Variants in DCC observed in about 807,000 individuals in gnomAD.
DCC encodes DCC netrin 1 receptor.
In DCC, 58 loss-of-function variants were observed where a neutral mutation model predicts 172.5. The observed-to-expected ratio is 0.34, with a 90% confidence interval of 0.27 to 0.42. DCC has a LOEUF of 0.42. Ranked by LOEUF, DCC falls within the 10% of genes least tolerant of loss-of-function variation. DCC has a pLI of 1.00. For missense variants in DCC, 1,740 were observed against 1,791.0 expected (o/e 0.97, Z 0.51); for synonymous variants, 709 against 644.5 (o/e 1.10, Z -1.52).
intron 2 of DCC, among the ~76,000 whole-genome samples, chr18:52,850,592 A>G (rs2038959625): frequency 6.6e-6 from 1 of 152,106 alleles, no homozygotes; most frequent in Non-Finnish European, 1.5e-5. Flanking sequence ...CATCTTGAAA[A>G]GACAAAGATT....
At chr18:53,146,824 C>T (rs1015603122) in intron 7 of DCC, among the ~76,000 whole-genome samples, 1 of 152,042 alleles carries the variant, frequency 6.6e-6, no homozygotes, top group African/African-American at 2.4e-5. Flanking sequence ...ACATCTGTAT[C>T]CTATGTTTTA....
intron 8 of DCC, among the ~76,000 whole-genome samples, chr18:53,171,765 AT>A (rs1407136294): frequency 6.6e-6 from 1 of 152,132 alleles, no homozygotes; most frequent in Non-Finnish European, 1.5e-5. Context: ...CAGCAAACAT[AT>A]GAAAAAACTG....
intron 2 of DCC, among the ~76,000 whole-genome samples, chr18:52,773,176 A>T (rs1250227629): frequency 6.6e-6 from 1 of 152,206 alleles, no homozygotes; most frequent in Non-Finnish European, 1.5e-5. Context: ...AAGGTAATGA[A>T]ATCCCTGAAA....
chr18:53,115,711 T>A (rs1293222577), intron 7 of DCC, among the ~76,000 whole-genome samples: 1 of 151,652 alleles, frequency 6.6e-6, no homozygotes, highest in Non-Finnish European at 1.5e-5. Context: ...AAATCTATTT[T>A]AGGATTCTCA....
At chr18:53,296,678 A>C (rs2057071810) in intron 12 of DCC, among the ~76,000 whole-genome samples, 1 of 152,204 alleles carries the variant, frequency 6.6e-6, no homozygotes, top group South Asian at 2.1e-4. Flanking sequence ...ACTCAGTGAA[A>C]ATAAATTCTT....
At chr18:52,892,820 A>G (rs779344748) in intron 2 of DCC, among the ~76,000 whole-genome samples, 1 of 152,146 alleles carries the variant, frequency 6.6e-6, no homozygotes, top group Non-Finnish European at 1.5e-5. Context: ...TTCATTGTGC[A>G]AATGCATGCA....
intron 1 of DCC, among the ~76,000 whole-genome samples, chr18:52,397,854 G>A (rs1204685000): frequency 6.6e-6 from 1 of 151,920 alleles, no homozygotes; most frequent in African/African-American, 2.4e-5. Flanking sequence ...ATTGTAGGTG[G>A]CTCTGGATAT....
intron 2 of DCC, among the ~76,000 whole-genome samples, chr18:52,896,926 C>G (rs944236145): frequency 6.6e-6 from 1 of 152,140 alleles, no homozygotes; most frequent in Non-Finnish European, 1.5e-5. Flanking sequence ...CCCTCAGAGA[C>G]AGTATCCTTT....
intron 5 of DCC, among the ~76,000 whole-genome samples, chr18:53,024,184 A>G (rs1340390499): frequency 6.6e-6 from 1 of 152,186 alleles, no homozygotes; most frequent in East Asian, 1.9e-4. Flanking sequence ...AACAAGAAAC[A>G]CGCTAAATTT....
intron 20 of DCC, among the ~76,000 whole-genome samples, chr18:53,415,071 A>G (rs1291228989): frequency 2.0e-5 from 3 of 152,208 alleles, no homozygotes; most frequent in African/African-American, 7.2e-5. Flanking sequence ...AGTTCTAAAC[A>G]TTCTTATTAG....
chr18:53,021,937 T>G (rs2041887407), intron 5 of DCC, among the ~76,000 whole-genome samples: 2 of 152,212 alleles, frequency 1.3e-5, no homozygotes, highest in Non-Finnish European at 2.9e-5. Context: ...CTACATCAAA[T>G]GTTGCTTTTT....
chr18:52,383,930 T>C (rs917741902), intron 1 of DCC, among the ~76,000 whole-genome samples: 1 of 152,246 alleles, frequency 6.6e-6, no homozygotes, highest in African/African-American at 2.4e-5. Context: ...GTAAGCAAAC[T>C]CATCTGTCAC....
intron 12 of DCC, among the ~76,000 whole-genome samples, chr18:53,295,677 C>CT (rs2057058016): frequency 6.6e-6 from 1 of 152,138 alleles, no homozygotes; most frequent in Non-Finnish European, 1.5e-5. Context: ...TATGGGTAAT[C>CT]TTTGTTTCTA....
intron 1 of DCC, among the ~76,000 whole-genome samples, chr18:52,634,775 C>CT (rs1305843125): frequency 2.6e-5 from 4 of 152,106 alleles, no homozygotes; most frequent in African/African-American, 9.7e-5. Flanking sequence ...CTTTCTCACT[C>CT]TTTTTCCCCC....
chr18:52,734,155 T>A (rs896137063), intron 1 of DCC, among the ~76,000 whole-genome samples: 1 of 152,122 alleles, frequency 6.6e-6, no homozygotes, highest in African/African-American at 2.4e-5. Context: ...TTTTATTTTT[T>A]AAACTTCCAT....
intron 5 of DCC, among the ~76,000 whole-genome samples, chr18:53,011,150 A>AT (rs1326722505): frequency 6.6e-6 from 1 of 151,592 alleles, no homozygotes; most frequent in Non-Finnish European, 1.5e-5. Context: ...GAGTATGTAA[A>AT]TAATAATGAA....
intron 14 of DCC, among the ~76,000 whole-genome samples, chr18:53,325,726 C>T (rs1020503490): frequency 2.0e-5 from 3 of 152,128 alleles, no homozygotes; most frequent in African/African-American, 7.2e-5. Context: ...GTACATGCAA[C>T]ATTCCTTCTT....
chr18:52,451,337 T>TA (rs1988297365), intron 1 of DCC, among the ~76,000 whole-genome samples: 1 of 152,144 alleles, frequency 6.6e-6, no homozygotes, highest in African/African-American at 2.4e-5. Flanking sequence ...AGAAAGCTGT[T>TA]AGAGTCAAAC....
intron 1 of DCC, among the ~76,000 whole-genome samples, chr18:52,633,620 C>T (rs1163771630): frequency 6.6e-5 from 10 of 152,032 alleles, no homozygotes; most frequent in Non-Finnish European, 1.5e-4. Flanking sequence ...TCAAATGAAC[C>T]TCAATTTGCA....
Sources: gnomAD v4.1 joint callset for allele counts (sites outside exome capture counted in the v4.1 genomes callset) on GRCh38, gnomAD v4.1.1 for gene constraint, MANE v1.5 for transcripts, NCBI Gene and HGNC (gene_info 2026-07-23, HGNC 2026-07-21) for gene names.